Variants in NXPE2 observed in about 807,000 individuals in gnomAD.
NXPE2 encodes neurexophilin and PC-esterase domain family member 2, also known as NXPE family member 2.
In NXPE2, 34 loss-of-function variants were observed where a neutral mutation model predicts 34.4. The observed-to-expected ratio is 0.99, with a 90% confidence interval of 0.75 to 1.31. The LOEUF is 1.31. Ranked by LOEUF, NXPE2 falls within the 40% of genes most tolerant of loss-of-function variation. The probability of loss-of-function intolerance (pLI) is 0.00; values close to 1 mark genes in which losing one functional copy is unlikely to be tolerated. For missense variants in NXPE2, 649 were observed against 672.5 expected, an observed-to-expected ratio of 0.97 and a Z score of 0.39; for synonymous variants, 235 against 231.3, an observed-to-expected ratio of 1.02 and a Z score of -0.15.
chr11:114,807,964 G>A, the NXPE2 span, among the ~76,000 whole-genome samples: 1 of 152,186 alleles, frequency 6.6e-6, no homozygotes, highest in Non-Finnish European at 1.5e-5. Flanking sequence ...CTCAGCAAAT[G>A]TAAAAGAACA....
the NXPE2 span, among the ~76,000 whole-genome samples, chr11:114,488,137 T>C: frequency 7.9e-5 from 12 of 152,176 alleles, no homozygotes; most frequent in Admixed American, 1.3e-4. Flanking sequence ...GTCCTGGGCT[T>C]TTCTTTGCTG....
At chr11:114,703,058 T>A (rs1390200885) in intron 3 of NXPE2, among the ~76,000 whole-genome samples, 1 of 152,196 alleles carries the variant, frequency 6.6e-6, no homozygotes, top group Non-Finnish European at 1.5e-5. Context: ...CGAAGCTCAC[T>A]GTGCTGGCAC....
the NXPE2 span, among the ~76,000 whole-genome samples, chr11:114,511,365 A>G: frequency 6.6e-6 from 1 of 152,098 alleles, no homozygotes; most frequent in Non-Finnish European, 1.5e-5. Context: ...AGCCAGAGGG[A>G]GCACATCTCT....
chr11:114,650,787 G>T, the NXPE2 span, among the ~76,000 whole-genome samples: 1 of 152,096 alleles, frequency 6.6e-6, no homozygotes, highest in African/African-American at 2.4e-5. Context: ...ACTCTGGAAA[G>T]ACTCTCTCTA....
At chr11:114,812,454 T>C in the NXPE2 span, among the ~76,000 whole-genome samples, 2 of 152,190 alleles carry the variant, frequency 1.3e-5, no homozygotes, top group Non-Finnish European at 2.9e-5. Flanking sequence ...TTTATAGAAA[T>C]GTTCCAGCAA....
At chr11:114,574,481 G>T in the NXPE2 span, among the ~76,000 whole-genome samples, 1 of 151,880 alleles carries the variant, frequency 6.6e-6, no homozygotes, top group Non-Finnish European at 1.5e-5. Flanking sequence ...GAAGAGAGAA[G>T]ATCCAAATAA....
At chr11:114,765,649 A>C in the NXPE2 span, among the ~76,000 whole-genome samples, 1 of 152,220 alleles carries the variant, frequency 6.6e-6, no homozygotes, top group Non-Finnish European at 1.5e-5. Context: ...TGATCTCTGC[A>C]GTATGGCACT....
chr11:114,772,027 T>C, the NXPE2 span, among the ~76,000 whole-genome samples: 1 of 152,208 alleles, frequency 6.6e-6, no homozygotes, highest in Non-Finnish European at 1.5e-5. Context: ...CAGAAGACTG[T>C]CCTTTATCTT....
the NXPE2 span, among the ~76,000 whole-genome samples, chr11:114,716,130 C>A: frequency 5.9e-5 from 9 of 152,178 alleles, no homozygotes; most frequent in African/African-American, 1.7e-4. Flanking sequence ...TGTCCATGTA[C>A]CCCCTCGGTT....
At chr11:114,685,243 C>G (rs1053482638) in intron 2 of NXPE2, among the ~76,000 whole-genome samples, 11 of 152,160 alleles carry the variant, frequency 7.2e-5, no homozygotes, top group Admixed American at 3.3e-4. Flanking sequence ...AAGAATACCA[C>G]TGACGGAATG....
the NXPE2 span, among the ~76,000 whole-genome samples, chr11:114,532,809 G>A: frequency 6.6e-6 from 1 of 152,062 alleles, no homozygotes; most frequent in African/African-American, 2.4e-5. Flanking sequence ...TTGATTATGG[G>A]TGAATTCAGG....
chr11:114,530,928 G>A, the NXPE2 span: 1 of 1,566,604 alleles, frequency 6.4e-7, no homozygotes, highest in Non-Finnish European at 8.6e-7. Context: ...CAAGGATTGT[G>A]ATATACTATG....
chr11:114,672,099 C>T, the NXPE2 span, among the ~76,000 whole-genome samples: 1 of 151,922 alleles, frequency 6.6e-6, no homozygotes, highest in Non-Finnish European at 1.5e-5. Context: ...ACAACCAGAT[C>T]TCATGAGAAC....
chr11:114,588,769 A>G, the NXPE2 span, among the ~76,000 whole-genome samples: 45 of 152,272 alleles, frequency 3.0e-4, 1 homozygote, highest in African/African-American at 9.1e-4. Flanking sequence ...TAAGAATCCC[A>G]CAGCCTTTAT....
the NXPE2 span, among the ~76,000 whole-genome samples, chr11:114,476,639 A>G: frequency 0.61 from 92,451 of 151,764 alleles, 29,600 homozygotes; most frequent in African/African-American, 0.82. Context: ...CAAGGTGGCA[A>G]GAGAGAGAGA....
At chr11:114,762,982 C>G in the NXPE2 span, among the ~76,000 whole-genome samples, 1 of 152,070 alleles carries the variant, frequency 6.6e-6, no homozygotes, top group Non-Finnish European at 1.5e-5. Flanking sequence ...GCCACACCAG[C>G]CTCCTGACTG....
At chr11:114,634,948 C>T in the NXPE2 span, among the ~76,000 whole-genome samples, 21 of 151,978 alleles carry the variant, frequency 1.4e-4, no homozygotes, top group Middle Eastern at 3.4e-3. Context: ...GTGATGAGGG[C>T]CCTTTTTTGG....
At chr11:114,674,289 T>A (rs1382569220), upstream of NXPE2, among the ~76,000 whole-genome samples, 1 of 151,588 alleles carries the variant, frequency 6.6e-6, no homozygotes. Flanking sequence ...TCTTGAAAAA[T>A]CATTAAATAA....
the NXPE2 span, among the ~76,000 whole-genome samples, chr11:114,777,220 T>C: frequency 1.7e-3 from 260 of 152,360 alleles, 4 homozygotes; most frequent in Admixed American, 0.016. Context: ...TTTGAGTTAG[T>C]AATTTGCTCA....
Sources: allele counts gnomAD v4.1 joint callset (sites outside exome capture counted in the v4.1 genomes callset), GRCh38; gene constraint gnomAD v4.1.1; transcripts MANE v1.5; gene names NCBI Gene and HGNC (gene_info 2026-07-23, HGNC 2026-07-21).